MRPS27: variants seen among roughly 807,000 people sequenced by gnomAD.
MRPS27 encodes mitochondrial ribosomal protein S27.
Under a neutral mutation model 48.9 loss-of-function variants are expected in MRPS27, and 43 were observed. The ratio of observed to expected loss-of-function variants is 0.88; its 90% CI spans 0.69 to 1.13. MRPS27 has a LOEUF of 1.13. MRPS27 is among the 50% of genes most tolerant of loss of function. MRPS27 has a pLI of 0.00. For synonymous variants in MRPS27, 188 were observed against 171.9 expected (o/e 1.09, Z -0.73); for missense variants, 467 against 476.3 (o/e 0.98, Z 0.18).
intron 4 of MRPS27, among the ~76,000 whole-genome samples, chr5:72,256,239 T>A (rs1748802833): frequency 6.6e-6 from 1 of 152,262 alleles, no homozygotes; most frequent in Non-Finnish European, 1.5e-5. Context: ...AGTTCTGTTT[T>A]ATTCACCTAC....
chr5:72,223,563 G>T, intron 10 of MRPS27, 120 bp downstream of exon 10: 2 of 1,225,514 alleles, frequency 1.6e-6, no homozygotes, highest in Non-Finnish European at 1.1e-6. Flanking sequence ...TGTAATTTTT[G>T]ATGTCAGTTT....
intron 2 of MRPS27, among the ~76,000 whole-genome samples, chr5:72,310,330 G>A (rs754689257): frequency 2.6e-5 from 4 of 152,044 alleles, no homozygotes; most frequent in Admixed American, 6.5e-5. Context: ...GTTGATTCCA[G>A]GGCTAGGCCA....
intron 4 of MRPS27, among the ~76,000 whole-genome samples, chr5:72,268,055 CAT>C (rs1354127552): frequency 3.9e-5 from 6 of 152,184 alleles, no homozygotes; most frequent in Non-Finnish European, 8.8e-5. Flanking sequence ...ACCCAACAAA[CAT>C]GTGCACCAAG....
chr5:72,308,337 C>T (rs1344852830), intron 2 of MRPS27, among the ~76,000 whole-genome samples: 5 of 152,242 alleles, frequency 3.3e-5, no homozygotes, highest in Non-Finnish European at 7.3e-5. Context: ...AGCCCACACC[C>T]ACACGCCGCA....
intron 4 of MRPS27, among the ~76,000 whole-genome samples, chr5:72,259,425 G>C (rs1748903107): frequency 6.8e-6 from 1 of 146,580 alleles, no homozygotes; most frequent in African/African-American, 2.6e-5. Context: ...CCAAGATCAT[G>C]CCACTACACT....
At chr5:72,242,968 C>G (rs1748401182) in intron 4 of MRPS27, among the ~76,000 whole-genome samples, 2 of 152,302 alleles carry the variant, frequency 1.3e-5, no homozygotes, top group South Asian at 4.1e-4. Flanking sequence ...CATGAATGAG[C>G]AAGCTTTCCA....
At chr5:72,305,924 GT>G (rs1750252965) in intron 2 of MRPS27, among the ~76,000 whole-genome samples, 1 of 152,208 alleles carries the variant, frequency 6.6e-6, no homozygotes, top group South Asian at 2.1e-4. Context: ...CTTTAACTCA[GT>G]GTTTATTTTA....
intron 4 of MRPS27, among the ~76,000 whole-genome samples, chr5:72,242,662 G>A (rs944594688): frequency 4.4e-5 from 4 of 89,974 alleles, no homozygotes; most frequent in African/African-American, 6.1e-5. Context: ...GCGAGACCCC[G>A]TCTACACACA....
At position 72,270,177 on chromosome 5, in the gene MRPS27, A is replaced by G. The variant is rs7704491; in HGVS notation, c.281+25354T>C. ...CATTATGCTCCAGCCTGGGCGACAA[A>G]AGAGAAACTCCATCTCAATAATAAT... On this transcript the variant is annotated intron_variant, in intron 4 of 10. Coordinates refer to ENST00000261413, the MANE Select transcript of MRPS27 (RefSeq NM_015084.3). Among the ~76,000 whole-genome samples the G allele has an allele frequency of 5.2e-3, 754 of 144,176 alleles. 3 individuals carry two copies. Among genetic ancestry groups the G allele is most frequent in the African/African-American group, 0.018 (724 of 39,446 alleles). The allele number at this position is 144,176 out of a possible 152,430, so 94.6% of individuals were successfully genotyped here.
chr5:72,248,026 C>A (rs1269924086), intron 4 of MRPS27, among the ~76,000 whole-genome samples: 1 of 152,158 alleles, frequency 6.6e-6, no homozygotes, highest in African/African-American at 2.4e-5. Context: ...CAAACAAAAA[C>A]CCTTAGTTGT....
At position 72,241,089 on chromosome 5, in the gene MRPS27, G is replaced by A. The variant is rs1446103914; in HGVS notation, c.282-2961C>T. 2.6e-5 allele frequency among the ~76,000 whole-genome samples: 4 copies of A among 152,208 alleles called. No homozygotes were observed. In the East Asian group the frequency reaches 7.7e-4, roughly 29 times the overall value. On this transcript the variant is annotated intron_variant, in intron 4 of 10. Coordinates refer to ENST00000261413, the MANE Select transcript of MRPS27 (RefSeq NM_015084.3). ...GTCTCATTCTGTCATCCAGGCTGGAGTGCAACTGCAAGATCACAGCTCACT... is the reference window on the plus strand; with the variant it reads ...GTCTCATTCTGTCATCCAGGCTGGAATGCAACTGCAAGATCACAGCTCACT...
chr5:72,302,959 C>T (rs1397838673), intron 2 of MRPS27, among the ~76,000 whole-genome samples: 1 of 152,204 alleles, frequency 6.6e-6, no homozygotes, highest in Non-Finnish European at 1.5e-5. Context: ...GCCCTCATGC[C>T]TCTTTGGGGA....
intron 4 of MRPS27, among the ~76,000 whole-genome samples, chr5:72,284,406 A>G (rs1175905058): frequency 1.3e-5 from 2 of 151,786 alleles, no homozygotes; most frequent in Admixed American, 6.6e-5. Context: ...CCTGGGCAAC[A>G]GAGTGAGACC....
Position 72,220,829 on chromosome 5 carries a change from T to C in MRPS27, c.*80A>G. ...GAAGATGGGTAGAGGAAGCTGAGGCTGTTGTCCAGGCCACTGCTGAGTCCT... is the reference window on the plus strand; with the variant it reads ...GAAGATGGGTAGAGGAAGCTGAGGCCGTTGTCCAGGCCACTGCTGAGTCCT... On this transcript the variant is annotated 3_prime_UTR_variant, in exon 11 of 11. Transcript: ENST00000261413. 3.2e-6 allele frequency: 5 copies of C among 1,560,216 alleles called. No homozygotes were observed. Among genetic ancestry groups the C allele is most frequent in the Non-Finnish European group, 4.3e-6 (5 of 1,153,810 alleles).
At chr5:72,223,164 T>G (rs1025509410) in intron 10 of MRPS27, among the ~76,000 whole-genome samples, 4 of 152,188 alleles carry the variant, frequency 2.6e-5, no homozygotes, top group Non-Finnish European at 5.9e-5. Flanking sequence ...AGGGCTGTTC[T>G]GGAAAGAAAC....
intron 2 of MRPS27, among the ~76,000 whole-genome samples, chr5:72,298,133 C>T (rs141461861): frequency 2.7e-3 from 404 of 152,184 alleles, no homozygotes; most frequent in Non-Finnish European, 3.6e-3. Flanking sequence ...ACTACGCATC[C>T]GACAAAGGTC....
chr5:72,238,164 ACTCTTATATGTTAAAACACAT>A lies in MRPS27; in HGVS notation c.282-57_282-37del, dbSNP rs1195118445. On this transcript the variant is annotated intron_variant, in intron 4 of 10. Coordinates refer to ENST00000261413, the MANE Select transcript of MRPS27 (RefSeq NM_015084.3). The stretch of plus-strand genomic sequence containing the variant: ...ACAAGAAGAGAGAAAACTGGTGTTA[ACTCTTATATGTTAAAACACAT>A]CTTCCATCGATAGGTCCTTCTCTTA... The A allele has an allele frequency of 2.1e-6, 3 of 1,401,902 alleles. No individual in the cohort carries two copies. In the African/African-American group the frequency reaches 4.3e-5, roughly 20 times the overall value. The allele number at this position is 1,401,902 out of a possible 1,614,324, so 86.8% of individuals were successfully genotyped here.
At chr5:72,271,758 G>C (rs1369143252) in intron 4 of MRPS27, among the ~76,000 whole-genome samples, 3 of 152,124 alleles carry the variant, frequency 2.0e-5, no homozygotes, top group African/African-American at 7.2e-5. Flanking sequence ...CAAATAATCA[G>C]TATTAATAAA....
chr5:72,253,120 C>T (rs1378109159), intron 4 of MRPS27, among the ~76,000 whole-genome samples: 2 of 152,154 alleles, frequency 1.3e-5, no homozygotes, highest in African/African-American at 2.4e-5. Context: ...TCCTATGGTT[C>T]GACTGCCTTG....
Sources: allele counts gnomAD v4.1 joint callset (sites outside exome capture counted in the v4.1 genomes callset), GRCh38; gene constraint gnomAD v4.1.1; transcripts MANE v1.5; gene names NCBI Gene and HGNC (gene_info 2026-07-23, HGNC 2026-07-21).